The following TRPM7 variants were observed in gnomAD, a reference collection of about 807,000 sequenced individuals.
The protein encoded by TRPM7 is LTRPC ion channel family member 7.
Under a neutral mutation model 229.7 loss-of-function variants are expected in TRPM7, and 134 were observed. The ratio of observed to expected loss-of-function variants is 0.58; its 90% CI spans 0.51 to 0.67. The LOEUF (loss-of-function observed/expected upper bound fraction) is 0.67. TRPM7 is among the 30% of genes least tolerant of loss of function. The pLI is 0.00. For synonymous variants in TRPM7, 699 were observed against 715.2 expected, an observed-to-expected ratio of 0.98 and a Z score of 0.36; for missense variants, 1,901 against 2,210.0, an observed-to-expected ratio of 0.86 and a Z score of 2.80.
At position 50,580,902 on chromosome 15, in the gene TRPM7, A is replaced by AC; in HGVS notation, c.4563dup (p.Leu1522ValfsTer4). The AC allele has an allele frequency of 6.3e-7, 1 of 1,583,762 alleles. No individual in the cohort carries two copies. On this transcript the variant is annotated frameshift_variant, in exon 30 of 39. Transcript: ENST00000646667. LOFTEE classifies it high-confidence loss of function. ...TCTCTGTTTGATGGTCTATCTTGTA[A>AC]CCAATCCTTCAGTAAAAAAAAAACA... is the stretch of plus-strand genomic sequence containing the variant.
Position 50,611,181 on chromosome 15 carries a change from C to T in TRPM7, c.2192G>A (p.Arg731Lys), listed in dbSNP as rs1168897040. 6.8e-6 allele frequency: 11 copies of T among 1,613,972 alleles called. No individual in the cohort carries two copies. Among genetic ancestry groups the T allele is most frequent in the Non-Finnish European group, 9.3e-6 (11 of 1,179,934 alleles). Residue 731 changes from arginine to lysine, a missense_variant, in exon 17 of 39, where the codon AGA (arginine) becomes AAA (lysine). By Grantham distance (26) the Arg-to-Lys change is conservative. This residue lies in a region of TRPM7 where 794 missense variants were observed against 881.9 expected (regional missense o/e 0.90). Transcript: ENST00000646667. ...CLKLAVSSRL[R>K]PFVAHTCTQM... Reference sequence around the variant, plus strand: ...TGTACAGGTGTGAGCTACAAAAGGTCTAAGTCTTGAAGAAACTGCTAACTT... The same window carrying T: ...TGTACAGGTGTGAGCTACAAAAGGTTTAAGTCTTGAAGAAACTGCTAACTT...
In TRPM7 at chr15:50,591,938, C is replaced by A; in HGVS notation, c.4297G>T (p.Asp1433Tyr). 1 of 1,581,986 alleles carries A rather than the reference C, an allele frequency of 6.3e-7. No homozygotes were observed. The highest frequency in any genetic ancestry group is 1.4e-5 in the African/African-American group (1 of 73,024). Reference protein sequence around the residue: ...ETVCSKATEGDNTEFGAFVGH... With the variant: ...ETVCSKATEGYNTEFGAFVGH... ...ACAAATGCTCCAAATTCTGTATTAT[C>A]TCCTTCTGTAGCTTTAGAGCAAACA... The change falls in exon 26 of 39, where the codon GAT (aspartate) becomes TAT (tyrosine). Residue 1433 changes from aspartate to tyrosine, a missense_variant. Transcript: ENST00000646667.
chr15:50,675,715 C>A (rs543697415), intron 1 of TRPM7, among the ~76,000 whole-genome samples: 6 of 152,306 alleles, frequency 3.9e-5, no homozygotes, highest in Admixed American at 2.6e-4. Context: ...GGTTGCACTA[C>A]CAGATTTTAC....
chr15:50,643,425 TG>T lies in TRPM7; in HGVS notation c.449del (p.Pro150HisfsTer23). On this transcript the variant is annotated frameshift_variant, in exon 5 of 39. Transcript: ENST00000646667. LOFTEE classifies it high-confidence loss of function. ...HGGMQKFELH[P>X]RIKQLLGKGL... ...CTTTTCCAAGCAACTGCTTGATTCG[TG>T]GGTGAAGCTCAAATTTCTGCATGCC... is the stretch of plus-strand genomic sequence containing the variant. 1 of 1,614,220 alleles carries T rather than the reference TG, an allele frequency of 6.2e-7. No homozygotes were observed. The highest frequency in any genetic ancestry group is 8.5e-7 in the Non-Finnish European group (1 of 1,180,030).
At chr15:50,629,859 CT>C (rs33991422) in intron 10 of TRPM7, among the ~76,000 whole-genome samples, 5,329 of 106,426 alleles carry the variant, frequency 0.05, 169 homozygotes, top group African/African-American at 0.18. Flanking sequence ...TCTTTTTAAC[CT>C]TTTTTTTTTT....
In TRPM7 at chr15:50,634,495, G is replaced by A. The variant is rs746450170; in HGVS notation, c.894C>T (p.Leu298=). The A allele has an allele frequency of 4.2e-5, 67 of 1,580,036 alleles. No homozygotes were observed. The highest frequency in any genetic ancestry group is 5.7e-5 in the Non-Finnish European group (66 of 1,166,038). ...TTTCCTGAAGGTATTCAAGAACTGTGAGGATAACATTTGGCCCACCCTCAA... is the reference window on the plus strand; with the variant it reads ...TTTCCTGAAGGTATTCAAGAACTGTAAGGATAACATTTGGCCCACCCTCAA... ...LIFEGGPNVI[L]TVLEYLQESP... Residue 298 remains leucine, a synonymous_variant, in exon 8 of 39, where the codon CTC becomes CTT. Coordinates refer to ENST00000646667, the MANE Select transcript of TRPM7 (RefSeq NM_017672.6).
chr15:50,668,094 A>G (rs1370056755), intron 1 of TRPM7, among the ~76,000 whole-genome samples: 2 of 152,238 alleles, frequency 1.3e-5, no homozygotes, highest in East Asian at 3.8e-4. Flanking sequence ...TCATCAACAT[A>G]CAACTGTTGT....
chr15:50,639,957 A>T (rs2061040082), intron 5 of TRPM7, among the ~76,000 whole-genome samples: 1 of 152,158 alleles, frequency 6.6e-6, no homozygotes, highest in African/African-American at 2.4e-5. Flanking sequence ...CTACAGAAGA[A>T]TACACAAGGA....
chr15:50,634,369 G>A lies in TRPM7; in HGVS notation c.1007+13C>T. The A allele has an allele frequency of 1.3e-6, 2 of 1,509,652 alleles. No homozygotes were observed. The highest frequency in any genetic ancestry group is 1.8e-6 in the Non-Finnish European group (2 of 1,130,934). The allele number at this position is 1,509,652 out of a possible 1,614,324, so 93.5% of individuals were successfully genotyped here. ...AATAAATAAAATTAATTAAAATGTT[G>A]TCATACACTTACCCTCCTTCTTCTG... On this transcript the variant is annotated intron_variant, in intron 8 of 38. Coordinates refer to ENST00000646667, the MANE Select transcript of TRPM7 (RefSeq NM_017672.6).
At chr15:50,661,349 C>A (rs2061718008) in intron 2 of TRPM7, among the ~76,000 whole-genome samples, 1 of 152,092 alleles carries the variant, frequency 6.6e-6, no homozygotes, top group East Asian at 1.9e-4. Context: ...GAATGTAGCA[C>A]TACTTTAAAA....
intron 1 of TRPM7, among the ~76,000 whole-genome samples, chr15:50,685,268 A>G (rs938135561): frequency 6.6e-6 from 1 of 152,230 alleles, no homozygotes; most frequent in African/African-American, 2.4e-5. Flanking sequence ...TTAAGAGACG[A>G]GCCTGCCAAA....
intron 13 of TRPM7, among the ~76,000 whole-genome samples, chr15:50,617,168 A>G (rs2060246783): frequency 7.8e-6 from 1 of 127,588 alleles, no homozygotes; most frequent in Non-Finnish European, 1.7e-5. Context: ...ATAAATAAAT[A>G]AATAAATAAA....
At chr15:50,682,339 C>G (rs1168906451) in intron 1 of TRPM7, among the ~76,000 whole-genome samples, 2 of 151,422 alleles carry the variant, frequency 1.3e-5, no homozygotes, top group African/African-American at 4.8e-5. Flanking sequence ...CCCAGAAAAA[C>G]AGGTTAAAAA....
intron 4 of TRPM7, among the ~76,000 whole-genome samples, chr15:50,647,684 T>C (rs2140824885): frequency 6.6e-6 from 1 of 152,034 alleles, no homozygotes; most frequent in South Asian, 2.1e-4. Flanking sequence ...GGCCGGAGGT[T>C]GCAGTGAGCC....
chr15:50,670,373 C>T (rs1281129299), intron 1 of TRPM7, among the ~76,000 whole-genome samples: 1 of 151,960 alleles, frequency 6.6e-6, no homozygotes, highest in Non-Finnish European at 1.5e-5. Context: ...AGATGGGAGT[C>T]CAACATAAGA....
intron 1 of TRPM7, among the ~76,000 whole-genome samples, chr15:50,671,963 T>C (rs2061998267): frequency 6.7e-6 from 1 of 149,120 alleles, no homozygotes; most frequent in South Asian, 2.1e-4. Context: ...CATAATACTT[T>C]GTAATAATAA....
At position 50,627,638 on chromosome 15, in the gene TRPM7, G is replaced by A. The variant is rs149617341; in HGVS notation, c.1305+511C>T. ...TGAGAGTAGTGAAACCAAAAAGTAT[G>A]CTACCGAAATAACACAAAAGAAGGA... is the stretch of plus-strand genomic sequence containing the variant. On this transcript the variant is annotated intron_variant, in intron 11 of 38. Coordinates refer to ENST00000646667, the MANE Select transcript of TRPM7 (RefSeq NM_017672.6). Among the ~76,000 whole-genome samples, 36 of 152,212 alleles carry A rather than the reference G, an allele frequency of 2.4e-4. 1 individual carries two copies. The East Asian group carries it at 6.2e-3, about 26-fold the overall frequency.
At chr15:50,596,171 T>C in intron 23 of TRPM7, 84 bp downstream of exon 23, 2 of 1,012,112 alleles carry the variant, frequency 2.0e-6, no homozygotes, top group Non-Finnish European at 2.6e-6. Context: ...AATTTTTAGA[T>C]TTTAAGTTCT....
At chr15:50,647,702 C>T (rs962209933) in intron 4 of TRPM7, among the ~76,000 whole-genome samples, 16 of 151,860 alleles carry the variant, frequency 1.1e-4, no homozygotes, top group South Asian at 2.1e-4. Context: ...GCCGAGATTG[C>T]GCCACCGCAC....
Sources: allele counts gnomAD v4.1 joint callset (sites outside exome capture counted in the v4.1 genomes callset), GRCh38; gene constraint gnomAD v4.1.1; regional missense constraint gnomAD v4.1.1; transcripts MANE v1.5; gene names NCBI Gene and HGNC (gene_info 2026-07-23, HGNC 2026-07-21).